The following CSMD1 variants were observed in gnomAD, a reference collection of about 807,000 sequenced individuals.
CSMD1 encodes the protein CUB and sushi domain-containing protein 1.
CSMD1 carries 213 observed loss-of-function variants against 417.5 expected under a neutral mutation model. The ratio of observed to expected loss-of-function variants is 0.51; its 90% CI spans 0.46 to 0.57. CSMD1 has a LOEUF of 0.57. Ranked by LOEUF, CSMD1 falls within the 20% of genes least tolerant of loss-of-function variation. The pLI is 0.00. For synonymous variants in CSMD1, 2,862 were observed against 1,736.8 expected (o/e 1.65, Z -16.11); for missense variants, 6,923 against 4,529.7 (o/e 1.53, Z -15.17).
At chr8:3,649,615 TACTC>T (rs199574410) in intron 7 of CSMD1, among the ~76,000 whole-genome samples, 2,031 of 152,212 alleles carry the variant, frequency 0.013, 53 homozygotes, top group African/African-American at 0.042. Context: ...TATGAGAACT[TACTC>T]ACCATCATGA....
chr8:3,723,075 C>G (rs551638956), intron 6 of CSMD1, among the ~76,000 whole-genome samples: 1 of 152,238 alleles, frequency 6.6e-6, no homozygotes, highest in Non-Finnish European at 1.5e-5. Flanking sequence ...CTCTTAGAGT[C>G]CTAAGGAAGA....
Position 3,108,654 on chromosome 8 carries a change from T to C in CSMD1, c.6703A>G (p.Lys2235Glu), listed in dbSNP as rs746975182. 1 of 1,613,778 alleles carries C rather than the reference T, an allele frequency of 6.2e-7. No individual in the cohort carries two copies. Among genetic ancestry groups the C allele is most frequent in the Non-Finnish European group, 8.5e-7 (1 of 1,179,838 alleles). The change falls in exon 44 of 70, where the codon AAG (lysine) becomes GAG (glutamate). Residue 2235 changes from lysine (K) to glutamate (E), a missense_variant. Transcript: ENST00000635120. ...CCATTTGAAAAGTCGCTGTGGAACT[T>C]GAGCAGGACTTGGTTGGTGGAGCTA... ...AYSSTNQVLL[K>E]FHSDFSNGGF...
intron 26 of CSMD1, among the ~76,000 whole-genome samples, chr8:3,271,456 G>C (rs1801848409): frequency 2.0e-5 from 3 of 149,798 alleles, no homozygotes; most frequent in Admixed American, 1.3e-4. Flanking sequence ...TAATGGGATG[G>C]CTGGGTCAAA....
intron 1 of CSMD1, among the ~76,000 whole-genome samples, chr8:4,706,189 A>T (rs1161774140): frequency 6.6e-6 from 1 of 151,390 alleles, no homozygotes; most frequent in Non-Finnish European, 1.5e-5. Flanking sequence ...TTTTCAATAT[A>T]TTTTTTCCAA....
intron 7 of CSMD1, among the ~76,000 whole-genome samples, chr8:3,695,166 T>C (rs1800481408): frequency 6.6e-6 from 1 of 151,074 alleles, no homozygotes; most frequent in South Asian, 2.1e-4. Flanking sequence ...CAGGGGGACA[T>C]ATTTCCAAGG....
At chr8:3,051,890 G>C (rs1246537466) in intron 50 of CSMD1, among the ~76,000 whole-genome samples, 1 of 152,114 alleles carries the variant, frequency 6.6e-6, no homozygotes, top group Admixed American at 6.6e-5. Context: ...GTTTCAGAAA[G>C]TACTCCAATT....
rs578020421 is a variant in CSMD1, at chr8:3,933,421, C to T, written c.818+64482G>A. Among the ~76,000 whole-genome samples the T allele has an allele frequency of 9.2e-5, 14 of 152,220 alleles. No homozygotes were observed. In the East Asian group the frequency reaches 1.9e-3, roughly 21 times the overall value. Reference sequence around the variant, plus strand: ...AGTCTATCAGGACTTGTATGTATGACAGATAAAACATAGACTAAGCATTTC... The same window carrying T: ...AGTCTATCAGGACTTGTATGTATGATAGATAAAACATAGACTAAGCATTTC... On this transcript the variant is annotated intron_variant, in intron 5 of 69. Transcript: ENST00000635120.
chr8:4,003,064 G>T (rs1338878957), intron 4 of CSMD1, among the ~76,000 whole-genome samples: 1 of 151,998 alleles, frequency 6.6e-6, no homozygotes, highest in Admixed American at 6.6e-5. Context: ...CACAGCAGGG[G>T]GATATTATTT....
At chr8:3,524,815 GAC>G (rs1302904205) in intron 10 of CSMD1, among the ~76,000 whole-genome samples, 2 of 148,714 alleles carry the variant, frequency 1.3e-5, no homozygotes, top group Non-Finnish European at 3.0e-5. Flanking sequence ...CACATGCACA[GAC>G]ACACATGCAC....
chr8:3,301,917 C>G (rs1020354655), intron 25 of CSMD1, among the ~76,000 whole-genome samples: 2 of 152,004 alleles, frequency 1.3e-5, no homozygotes, highest in African/African-American at 4.8e-5. Context: ...AATGACAGGG[C>G]TTTGTTTTCA....
At chr8:3,981,181 G>A (rs1310937776) in intron 5 of CSMD1, among the ~76,000 whole-genome samples, 2 of 152,198 alleles carry the variant, frequency 1.3e-5, no homozygotes, top group Non-Finnish European at 2.9e-5. Context: ...TCCAAGAATG[G>A]GTATCTCCAT....
At chr8:3,722,390 G>A (rs1340250734) in intron 6 of CSMD1, among the ~76,000 whole-genome samples, 3 of 152,132 alleles carry the variant, frequency 2.0e-5, no homozygotes, top group Non-Finnish European at 4.4e-5. Flanking sequence ...GAATTTGAAA[G>A]CACAGTAGCT....
At chr8:3,746,015 G>C (rs538907990) in intron 6 of CSMD1, among the ~76,000 whole-genome samples, 2 of 152,282 alleles carry the variant, frequency 1.3e-5, no homozygotes, top group African/African-American at 2.4e-5. Context: ...ATGTACAGTA[G>C]ACACAATCAT....
intron 1 of CSMD1, among the ~76,000 whole-genome samples, chr8:4,805,865 G>A (rs1379061045): frequency 1.3e-5 from 2 of 152,132 alleles, no homozygotes; most frequent in African/African-American, 2.4e-5. Flanking sequence ...GCACAGATAT[G>A]CTAAATTATT....
chr8:3,842,171 TC>T (rs761764637), intron 5 of CSMD1, among the ~76,000 whole-genome samples: 3 of 152,194 alleles, frequency 2.0e-5, no homozygotes, highest in Non-Finnish European at 4.4e-5. Flanking sequence ...TCTTAAAAAC[TC>T]GTTTTCCTAG....
chr8:3,665,325 T>G (rs929775313), intron 7 of CSMD1, among the ~76,000 whole-genome samples: 1 of 151,998 alleles, frequency 6.6e-6, no homozygotes, highest in African/African-American at 2.4e-5. Context: ...AGGTCAGGAG[T>G]TCGAGACCAG....
chr8:3,272,453 T>G (rs1801938352), intron 26 of CSMD1, among the ~76,000 whole-genome samples: 1 of 150,466 alleles, frequency 6.6e-6, no homozygotes, highest in African/African-American at 2.4e-5. Context: ...AGTAGTTTTT[T>G]CCAATTCTGG....
chr8:4,738,903 T>G lies in CSMD1; in HGVS notation c.86-101345A>C, dbSNP rs10092116. On this transcript the variant is annotated intron_variant, in intron 1 of 69. Transcript: ENST00000635120. Reference sequence around the variant, plus strand: ...CTATTATACTTAAAATTCTGTGTGTTTGTGTGTGTGTGTGTGTGTATGTGT... The same window carrying G: ...CTATTATACTTAAAATTCTGTGTGTGTGTGTGTGTGTGTGTGTGTATGTGT... 1.5e-3 allele frequency among the ~76,000 whole-genome samples: 226 copies of G among 147,488 alleles called. 5 individuals are homozygous for G. In the South Asian group the frequency reaches 0.039, roughly 26 times the overall value.
At chr8:4,281,381 G>A (rs1278161395) in intron 3 of CSMD1, among the ~76,000 whole-genome samples, 2 of 152,030 alleles carry the variant, frequency 1.3e-5, no homozygotes, top group Non-Finnish European at 2.9e-5. Flanking sequence ...ATAAACCAGT[G>A]GTTTTTCACC....
Sources: gnomAD v4.1 joint callset for allele counts (sites outside exome capture counted in the v4.1 genomes callset) on GRCh38, gnomAD v4.1.1 for gene constraint, MANE v1.5 for transcripts, NCBI Gene and HGNC (gene_info 2026-07-23, HGNC 2026-07-21) for gene names.